Variants in PRKD3 observed in about 807,000 individuals in gnomAD.
PRKD3 encodes serine/threonine-protein kinase D3.
A neutral mutation model predicts 99.2 loss-of-function variants in PRKD3; 47 were observed. That is an observed-to-expected ratio of 0.47 (90% CI 0.38 to 0.60). The LOEUF is 0.60. Among genes scored for constraint, PRKD3 ranks in the 20% least tolerant of loss-of-function variants. The pLI is 0.00. For synonymous variants in PRKD3, 392 were observed against 355.4 expected (o/e 1.10, Z -1.16); for missense variants, 1,019 against 1,088.4 (o/e 0.94, Z 0.90).
At position 37,275,720 on chromosome 2, in the gene PRKD3, C is replaced by T; in HGVS notation, c.1374+47G>A. 5.3e-6 allele frequency: 8 copies of T among 1,518,178 alleles called. 1 individual carries two copies. The South Asian group carries it at 6.5e-5, about 12-fold the overall frequency. 94.0% of individuals were successfully genotyped at this position (1,518,178 alleles called of 1,614,324 possible). A position where few individuals can be genotyped will look rare whatever the true frequency, so the allele number is the denominator to read the frequency against. ...GTTAATGAATATTATCTGAAAAAAA[C>T]ATACACTATCTTAATGCTTATATTT... On this transcript the variant is annotated intron_variant, in intron 10 of 18. Coordinates refer to ENST00000234179, the MANE Select transcript of PRKD3 (RefSeq NM_005813.6).
Position 37,279,784 on chromosome 2 carries a change from G to A in PRKD3, c.1134C>T (p.Leu378=), listed in dbSNP as rs140407768. The part of the protein sequence containing the change: ...DKMFFLDPSD[L]DVERDEEAVK... ...CGGCTTCTTCATCTCTTTCCACATC[G>A]AGATCAGATGGATCCAAGAAGAACA... Residue 378 remains leucine, a synonymous_variant, in exon 8 of 19, where the codon CTC becomes CTT. Coordinates refer to ENST00000234179, the MANE Select transcript of PRKD3 (RefSeq NM_005813.6). The A allele has an allele frequency of 1.8e-4, 287 of 1,613,002 alleles. 1 individual carries two copies. In the African/African-American group the frequency reaches 2.6e-3, roughly 14 times the overall value.
intron 16 of PRKD3, among the ~76,000 whole-genome samples, chr2:37,259,065 C>G (rs1276122670): frequency 6.7e-6 from 1 of 148,180 alleles, no homozygotes. Context: ...AAAAAAAAAA[C>G]TCAACTGAAT....
intron 2 of PRKD3, among the ~76,000 whole-genome samples, chr2:37,297,893 C>G (rs772995830): frequency 6.6e-6 from 1 of 152,164 alleles, no homozygotes; most frequent in Non-Finnish European, 1.5e-5. Context: ...ACTCTCCCCC[C>G]ACCCTTTTCT....
chr2:37,293,316 T>C (rs758571595), intron 2 of PRKD3, 45 bp from the exon 3 acceptor site: 1 of 1,460,480 alleles, frequency 6.8e-7, no homozygotes, highest in East Asian at 2.3e-5. Flanking sequence ...AGTTTTCTAT[T>C]TTTATAAGTA....
intron 14 of PRKD3, 108 bp downstream of exon 14, chr2:37,267,322 T>C (rs1668910683): frequency 1.4e-6 from 1 of 710,150 alleles, no homozygotes; most frequent in Non-Finnish European, 2.3e-6. Flanking sequence ...ATGCCTATAT[T>C]ACCATAATCT....
At chr2:37,321,352 A>T (rs1024332917) in intron 1 of PRKD3, among the ~76,000 whole-genome samples, 33 of 152,182 alleles carry the variant, frequency 2.2e-4, no homozygotes, top group African/African-American at 7.7e-4. Context: ...TATTAATGGC[A>T]TCTTGAACCC....
chr2:37,290,758 C>G (rs768581343), intron 4 of PRKD3, 110 bp downstream of exon 4: 8 of 1,234,068 alleles, frequency 6.5e-6, no homozygotes, highest in African/African-American at 1.5e-5. Flanking sequence ...AATTCTAAAT[C>G]CTCGTTACCA....
Position 37,278,036 on chromosome 2 carries a change from T to A in PRKD3, c.1173-47A>T, listed in dbSNP as rs764485605. 3.3e-6 allele frequency: 5 copies of A among 1,522,284 alleles called. No homozygotes were observed. The Admixed American group carries it at 5.4e-5, about 16-fold the overall frequency. 94.3% of individuals were successfully genotyped at this position (1,522,284 alleles called of 1,614,324 possible). On this transcript the variant is annotated intron_variant, in intron 8 of 18. Coordinates refer to ENST00000234179, the MANE Select transcript of PRKD3 (RefSeq NM_005813.6). ...TAAGTTTGTGTAGATTTTTAAAAAA[T>A]CATATAAATACTGTAGGAACATGAA...
At chr2:37,300,327 T>C (rs751923271) in intron 2 of PRKD3, among the ~76,000 whole-genome samples, 10 of 151,622 alleles carry the variant, frequency 6.6e-5, no homozygotes, top group Non-Finnish European at 1.3e-4. Flanking sequence ...AAAAAAAAAA[T>C]GACCTCATGG....
intron 10 of PRKD3, among the ~76,000 whole-genome samples, chr2:37,275,356 A>G (rs1669516095): frequency 6.6e-6 from 1 of 152,184 alleles, no homozygotes; most frequent in Admixed American, 6.5e-5. Flanking sequence ...AAGACTGTAA[A>G]AAGGAGATTA....
At chr2:37,260,624 C>T (rs1217413937) in intron 14 of PRKD3, among the ~76,000 whole-genome samples, 1 of 152,170 alleles carries the variant, frequency 6.6e-6, no homozygotes, top group Non-Finnish European at 1.5e-5. Context: ...TATATAATCA[C>T]TCTTGTCCAT....
At chr2:37,276,139 A>G (rs1443049864) in intron 9 of PRKD3, among the ~76,000 whole-genome samples, 3 of 152,160 alleles carry the variant, frequency 2.0e-5, no homozygotes, top group Non-Finnish European at 4.4e-5. Context: ...TATATGACAC[A>G]TACACACACA....
intron 10 of PRKD3, 29 bp from the exon 11 acceptor site, chr2:37,274,726 T>G: frequency 6.3e-7 from 1 of 1,582,770 alleles, no homozygotes; most frequent in South Asian, 1.1e-5. Context: ...CATTGAAAAA[T>G]AAGAATAGAT....
intron 14 of PRKD3, among the ~76,000 whole-genome samples, chr2:37,263,168 G>A (rs191329793): frequency 6.6e-5 from 10 of 151,988 alleles, no homozygotes; most frequent in Admixed American, 1.3e-4. Flanking sequence ...AATATTTGAG[G>A]TTATAAAGCT....
Position 37,250,688 on chromosome 2 carries a change from C to G in PRKD3, c.*2489G>C, listed in dbSNP as rs903226844. 1 of 152,064 alleles carries G rather than the reference C, an allele frequency of 6.6e-6. No individual in the cohort carries two copies. The highest frequency in any genetic ancestry group is 2.4e-5 in the African/African-American group (1 of 41,416). 9.4% of individuals were successfully genotyped at this position (152,064 alleles called of 1,614,324 possible). Reference sequence around the variant, plus strand: ...TGGATACTTATACTAGAAATAGGCTCAGGTTTTCACATGGAAAAGTATGGT... The same window carrying G: ...TGGATACTTATACTAGAAATAGGCTGAGGTTTTCACATGGAAAAGTATGGT... On this transcript the variant is annotated 3_prime_UTR_variant, in exon 19 of 19. Coordinates refer to ENST00000234179, the MANE Select transcript of PRKD3 (RefSeq NM_005813.6).
At chr2:37,294,083 T>C (rs556452835) in intron 2 of PRKD3, among the ~76,000 whole-genome samples, 1 of 152,304 alleles carries the variant, frequency 6.6e-6, no homozygotes, top group African/African-American at 2.4e-5. Flanking sequence ...GTCCTGTATA[T>C]ATTTCTAAAG....
intron 1 of PRKD3, chr2:37,318,008 A>G (rs142427456): frequency 6.6e-6 from 1 of 152,058 alleles, no homozygotes; most frequent in African/African-American, 2.4e-5. Flanking sequence ...CAACCCCTCC[A>G]CATGGCTTAG....
At chr2:37,315,705 G>A (rs1025920110) in intron 2 of PRKD3, among the ~76,000 whole-genome samples, 5 of 152,152 alleles carry the variant, frequency 3.3e-5, no homozygotes, top group African/African-American at 4.8e-5. Flanking sequence ...ATACTTTAAA[G>A]CTAAAATAAA....
rs763558963 is a variant in PRKD3 at position 37,274,658 on chromosome 2, G to A, written c.1414C>T (p.Arg472Ter). Residue 472 changes from arginine to a stop codon, truncating the protein, a stop_gained, in exon 11 of 19, where the codon CGA (arginine) becomes TGA (stop). Transcript: ENST00000234179. LOFTEE classifies it high-confidence loss of function. ...LSEILRISSP[R>*]DFTNISQGSN... ...CCTTGTGAAATGTTTGTGAAATCTC[G>A]TGGTGAAGATATGCGGAGAATTTCT... 6 of 1,613,942 alleles carry A rather than the reference G, an allele frequency of 3.7e-6. No individual in the cohort carries two copies. Among genetic ancestry groups the A allele is most frequent in the Non-Finnish European group, 5.1e-6 (6 of 1,179,862 alleles).
Sources: gnomAD v4.1 joint callset for allele counts (sites outside exome capture counted in the v4.1 genomes callset) on GRCh38, gnomAD v4.1.1 for gene constraint, MANE v1.5 for transcripts, NCBI Gene and HGNC (gene_info 2026-07-23, HGNC 2026-07-21) for gene names.